RNGTT: variants seen among roughly 807,000 people sequenced by gnomAD.
RNGTT encodes the protein mRNA-capping enzyme.
In RNGTT, 33 loss-of-function variants were observed where a neutral mutation model predicts 79.3. That is an observed-to-expected ratio of 0.42 (90% CI 0.32 to 0.56). The LOEUF is 0.56. RNGTT is among the 20% of genes least tolerant of loss of function. The pLI is 0.17. For missense variants in RNGTT, 497 were observed against 739.1 expected (o/e 0.67, Z 3.80); for synonymous variants, 222 against 235.9 (o/e 0.94, Z 0.54).
At chr6:88,815,326 C>G (rs1780280789) in intron 11 of RNGTT, among the ~76,000 whole-genome samples, 1 of 152,174 alleles carries the variant, frequency 6.6e-6, no homozygotes, top group Non-Finnish European at 1.5e-5. Context: ...TGAGCCCCTC[C>G]CAGATTCTGC....
At chr6:88,844,131 T>C (rs1781407806) in intron 11 of RNGTT, among the ~76,000 whole-genome samples, 1 of 151,886 alleles carries the variant, frequency 6.6e-6, no homozygotes. Context: ...AAAACTATTA[T>C]GAGAAAAAGG....
chr6:88,770,934 C>T (rs1291297688), intron 12 of RNGTT, among the ~76,000 whole-genome samples: 3 of 152,046 alleles, frequency 2.0e-5, no homozygotes, highest in Non-Finnish European at 4.4e-5. Context: ...AAATCTTTTA[C>T]TCTTGTTTGC....
At chr6:88,613,415 A>G (rs9451029) in intron 15 of RNGTT, among the ~76,000 whole-genome samples, 3,256 of 152,310 alleles carry the variant, frequency 0.021, 109 homozygotes, top group African/African-American at 0.073. Flanking sequence ...ATTTGGTCTT[A>G]GAAGAAAAGA....
chr6:88,855,026 C>T (rs1444463097), intron 8 of RNGTT, among the ~76,000 whole-genome samples: 1 of 152,130 alleles, frequency 6.6e-6, no homozygotes, highest in Admixed American at 6.5e-5. Flanking sequence ...CTCAAAGAAA[C>T]AGAATCATTT....
At chr6:88,868,620 T>G (rs568695762) in intron 8 of RNGTT, among the ~76,000 whole-genome samples, 2 of 152,326 alleles carry the variant, frequency 1.3e-5, no homozygotes, top group South Asian at 4.1e-4. Flanking sequence ...TTATATGCAA[T>G]TATACTTCAT....
intron 14 of RNGTT, among the ~76,000 whole-genome samples, chr6:88,663,575 C>T (rs1159551584): frequency 6.6e-6 from 1 of 152,178 alleles, no homozygotes; most frequent in African/African-American, 2.4e-5. Flanking sequence ...CTGTCCGACC[C>T]CACATCAGAG....
At chr6:88,640,566 G>GA (rs72031584) in intron 14 of RNGTT, among the ~76,000 whole-genome samples, 11,358 of 128,786 alleles carry the variant, frequency 0.088, 1,604 homozygotes, top group African/African-American at 0.3. Flanking sequence ...AAAAAGAAAA[G>GA]AAAAAAAAAA....
At chr6:88,920,755 G>C (rs1290252731) in intron 4 of RNGTT, among the ~76,000 whole-genome samples, 2 of 152,138 alleles carry the variant, frequency 1.3e-5, no homozygotes, top group Admixed American at 6.5e-5. Context: ...TCATACTCCA[G>C]GTTTAGGAAA....
chr6:88,846,469 G>A (rs951630291), intron 10 of RNGTT, among the ~76,000 whole-genome samples: 5 of 152,054 alleles, frequency 3.3e-5, no homozygotes, highest in Admixed American at 6.6e-5. Flanking sequence ...CTAGCAGGCC[G>A]GGTGCAGATG....
chr6:88,711,504 C>T (rs1344491982), intron 13 of RNGTT, among the ~76,000 whole-genome samples: 1 of 152,188 alleles, frequency 6.6e-6, no homozygotes, highest in Non-Finnish European at 1.5e-5. Context: ...ACTCCCTTTA[C>T]AAACACACAT....
intron 7 of RNGTT, 54 bp downstream of exon 7, chr6:88,891,752 A>T: frequency 1.8e-6 from 2 of 1,091,716 alleles, no homozygotes; most frequent in South Asian, 1.6e-5. Context: ...TGCTTGTATT[A>T]AGTGTTGTAA....
At chr6:88,790,420 G>T (rs1779370546) in intron 12 of RNGTT, among the ~76,000 whole-genome samples, 1 of 152,154 alleles carries the variant, frequency 6.6e-6, no homozygotes, top group Non-Finnish European at 1.5e-5. Context: ...CAGAGCTATG[G>T]TGGAGAAGAT....
chr6:88,828,625 C>G (rs143049367), intron 11 of RNGTT, among the ~76,000 whole-genome samples: 1 of 151,718 alleles, frequency 6.6e-6, no homozygotes, highest in Non-Finnish European at 1.5e-5. Flanking sequence ...TAACCCAATG[C>G]GAATCTGAGA....
At chr6:88,639,111 T>C (rs1773213129) in intron 14 of RNGTT, among the ~76,000 whole-genome samples, 1 of 152,188 alleles carries the variant, frequency 6.6e-6, no homozygotes, top group South Asian at 2.1e-4. Context: ...TTTGGTAGAA[T>C]CAACAGATGA....
rs12196294 is a variant in RNGTT at position 88,838,306 on chromosome 6, T to C, written c.1269+6051A>G. On this transcript the variant is annotated intron_variant, in intron 11 of 15. Transcript: ENST00000369485. ...AGAATAAAATTAAAAGCATCCAAGT[T>C]GGAAAGGGAAAAGTAGCACCTTTTT... Among the ~76,000 whole-genome samples, 872 of 152,214 alleles carry C rather than the reference T, an allele frequency of 5.7e-3. 8 individuals are homozygous for C. The highest frequency in any genetic ancestry group is 0.02 in the South Asian group (96 of 4,818).
chr6:88,961,353 G>GTGTA (rs1554168203), intron 1 of RNGTT, among the ~76,000 whole-genome samples: 71 of 150,960 alleles, frequency 4.7e-4, no homozygotes, highest in African/African-American at 1.6e-3. Context: ...GTGTGTGTGT[G>GTGTA]TATATATATA....
intron 13 of RNGTT, among the ~76,000 whole-genome samples, chr6:88,759,663 G>A (rs1778142358): frequency 6.6e-6 from 1 of 151,994 alleles, no homozygotes; most frequent in Admixed American, 6.6e-5. Flanking sequence ...TCCTCACTGA[G>A]AACCCTGACT....
At chr6:88,798,289 A>G (rs921761765) in intron 12 of RNGTT, among the ~76,000 whole-genome samples, 4 of 151,934 alleles carry the variant, frequency 2.6e-5, no homozygotes, top group African/African-American at 9.7e-5. Flanking sequence ...ACAAGGCAAA[A>G]CCCCGTATCT....
rs1562149478 is a variant in RNGTT at position 88,614,329 on chromosome 6, CCCAGCTGTTGTTCTCAAATTTGCATT to C, written c.1547_1572del (p.Glu516GlyfsTer13). 1.2e-6 allele frequency: 2 copies of C among 1,613,582 alleles called. No homozygotes were observed. Among genetic ancestry groups the C allele is most frequent in the Non-Finnish European group, 1.7e-6 (2 of 1,179,526 alleles). ...TTGTCTGTTCTCTGTCTCATGAAGA[CCCAGCTGTTGTTCTCAAATTTGCATT>C]CTATAATTTTGTTGTCATACTGTTT... On this transcript the variant is annotated frameshift_variant, in exon 15 of 16. Transcript: ENST00000369485. LOFTEE classifies it high-confidence loss of function.
Sources: gnomAD v4.1 joint callset for allele counts (sites outside exome capture counted in the v4.1 genomes callset) on GRCh38, gnomAD v4.1.1 for gene constraint, MANE v1.5 for transcripts, NCBI Gene and HGNC (gene_info 2026-07-23, HGNC 2026-07-21) for gene names.